Variants in MLLT10 observed in about 807,000 individuals in gnomAD.
MLLT10 encodes the protein protein AF-10.
Under a neutral mutation model 129.1 loss-of-function variants are expected in MLLT10, and 30 were observed. The ratio of observed to expected loss-of-function variants is 0.23; its 90% CI spans 0.17 to 0.32. The LOEUF (loss-of-function observed/expected upper bound fraction) is 0.32. Among genes scored for constraint, MLLT10 ranks in the 10% least tolerant of loss-of-function variants. The pLI is 1.00. For missense variants in MLLT10, 1,119 were observed against 1,268.3 expected (o/e 0.88, Z 1.79); for synonymous variants, 490 against 446.4 (o/e 1.10, Z -1.23).
intron 2 of MLLT10, 119 bp from the exon 3 acceptor site, chr10:21,538,714 C>A: frequency 1.5e-6 from 1 of 659,692 alleles, no homozygotes; most frequent in South Asian, 2.0e-5. Flanking sequence ...TTTTACTTCT[C>A]TGTAAAGAGG....
chr10:21,535,306 C>G (rs546206922), intron 2 of MLLT10, among the ~76,000 whole-genome samples: 1 of 152,078 alleles, frequency 6.6e-6, no homozygotes, highest in African/African-American at 2.4e-5. Flanking sequence ...TGTGGGGAGG[C>G]TGGGGGTCGC....
chr10:21,560,942 A>G (rs2038724133), intron 3 of MLLT10, among the ~76,000 whole-genome samples: 1 of 152,126 alleles, frequency 6.6e-6, no homozygotes, highest in African/African-American at 2.4e-5. Context: ...TTGAAATGTC[A>G]GTATTCTTTA....
At chr10:21,724,923 G>T (rs976950362) in intron 14 of MLLT10, among the ~76,000 whole-genome samples, 1 of 152,172 alleles carries the variant, frequency 6.6e-6, no homozygotes, top group African/African-American at 2.4e-5. Flanking sequence ...AACTTTGGAC[G>T]AGCTCTTCAG....
chr10:21,550,987 T>C (rs1406164172), intron 3 of MLLT10, among the ~76,000 whole-genome samples: 2 of 151,610 alleles, frequency 1.3e-5, no homozygotes, highest in East Asian at 3.8e-4. Context: ...GGTACGATCT[T>C]AGCTCACTGC....
intron 3 of MLLT10, among the ~76,000 whole-genome samples, chr10:21,539,776 A>T (rs904218628): frequency 1.3e-5 from 2 of 152,078 alleles, no homozygotes; most frequent in Non-Finnish European, 1.5e-5. Context: ...TCTCAAAAAA[A>T]AGAAAAACAA....
rs201326052 is a variant in MLLT10 at position 21,673,498 on chromosome 10, T to C, written c.1200T>C (p.His400=). The C allele has an allele frequency of 1.7e-4, 277 of 1,613,850 alleles. 1 individual carries two copies. Among genetic ancestry groups the C allele is most frequent in the Non-Finnish European group, 2.1e-4 (253 of 1,179,982 alleles). ...AGTCATCAGCAACCAAAGATGTACA[T>C]AAAGGAGAGTCTGGAAGCCAGGAAG... ...SQQSSATKDV[H]KGESGSQEGG... is the part of the protein sequence containing the mutation. Residue 400 remains histidine, a synonymous_variant, in exon 11 of 23, where the codon CAT becomes CAC. Coordinates refer to ENST00000307729, the MANE Select transcript of MLLT10 (RefSeq NM_001195626.3).
intron 13 of MLLT10, among the ~76,000 whole-genome samples, chr10:21,698,782 G>A (rs1201018745): frequency 6.6e-6 from 1 of 152,100 alleles, no homozygotes; most frequent in South Asian, 2.1e-4. Context: ...GGAGTAATAG[G>A]ATATCTCATT....
intron 21 of MLLT10, among the ~76,000 whole-genome samples, chr10:21,736,546 G>A (rs1301526159): frequency 6.6e-6 from 1 of 152,206 alleles, no homozygotes; most frequent in Non-Finnish European, 1.5e-5. Context: ...CTTCCAAAGT[G>A]CTGGAATTAC....
At chr10:21,689,943 A>T (rs1225021973) in intron 13 of MLLT10, among the ~76,000 whole-genome samples, 2 of 151,930 alleles carry the variant, frequency 1.3e-5, no homozygotes, top group Admixed American at 1.3e-4. Context: ...TGAGATGTGT[A>T]TTACCCAAGA....
chr10:21,541,418 C>G (rs12268489), intron 3 of MLLT10: 76,159 of 151,678 alleles, frequency 0.5, 19,381 homozygotes, highest in Middle Eastern at 0.59. Flanking sequence ...GACAGTCTCG[C>G]TCTGTCGCCC....
chr10:21,566,076 C>T (rs1385107876), intron 3 of MLLT10, among the ~76,000 whole-genome samples: 2 of 150,990 alleles, frequency 1.3e-5, no homozygotes, highest in Non-Finnish European at 2.9e-5. Flanking sequence ...ACTCAGCCTC[C>T]AGAGTAGCTA....
At chr10:21,581,548 C>A (rs1202169265) in intron 3 of MLLT10, among the ~76,000 whole-genome samples, 1 of 152,026 alleles carries the variant, frequency 6.6e-6, no homozygotes, top group Non-Finnish European at 1.5e-5. Context: ...GCTGTGTATC[C>A]CCACTGAAAT....
At position 21,534,323 on chromosome 10, in the gene MLLT10, T is replaced by C; in HGVS notation, c.-198T>C. On this transcript the variant is annotated 5_prime_UTR_variant, in exon 1 of 23. Coordinates refer to ENST00000307729, the MANE Select transcript of MLLT10 (RefSeq NM_001195626.3). ...CAGCGGGAGCCCCCCCTCCCCCCAGTGCGCCTGTGCGGAGGCCCTCTTGAT... is the reference window on the plus strand; with the variant it reads ...CAGCGGGAGCCCCCCCTCCCCCCAGCGCGCCTGTGCGGAGGCCCTCTTGAT... 1 of 275,634 alleles carries C rather than the reference T, an allele frequency of 3.6e-6. No homozygotes were observed. The highest frequency in any genetic ancestry group is 3.7e-5 in the East Asian group (1 of 27,060). The allele number at this position is 275,634 out of a possible 1,614,324, so 17.1% of individuals were successfully genotyped here.
chr10:21,580,278 T>G (rs542659285), intron 3 of MLLT10, among the ~76,000 whole-genome samples: 23 of 152,090 alleles, frequency 1.5e-4, no homozygotes, highest in African/African-American at 5.6e-4. Flanking sequence ...TTTAGTGACA[T>G]TTTTCCGTAA....
intron 8 of MLLT10, among the ~76,000 whole-genome samples, chr10:21,641,168 C>T (rs564249896): frequency 2.6e-5 from 4 of 152,106 alleles, no homozygotes; most frequent in African/African-American, 4.8e-5. Flanking sequence ...ATGAGTTTGG[C>T]GAATAGGCTG....
chr10:21,621,109 G>T (rs192159748), intron 8 of MLLT10, among the ~76,000 whole-genome samples: 1 of 148,946 alleles, frequency 6.7e-6, no homozygotes, highest in Admixed American at 6.8e-5. Flanking sequence ...TCAGCCTTCC[G>T]AGTAGTTGGG....
chr10:21,614,862 GA>G lies in MLLT10; in HGVS notation c.543del (p.Gly182ValfsTer20). The G allele has an allele frequency of 6.2e-7, 1 of 1,612,878 alleles. No individual in the cohort carries two copies. The highest frequency in any genetic ancestry group is 1.1e-5 in the South Asian group (1 of 90,642). ...GTTTGCCGGACTGCTTTGTGAAGAA[GA>G]AGGTAATGGTGCCGATAATGTCCAA... ...AQFAGLLCEE[E>X]GNGADNVQYC... On this transcript the variant is annotated frameshift_variant, in exon 7 of 23. Transcript: ENST00000307729. LOFTEE classifies it high-confidence loss of function.
Position 21,740,136 on chromosome 10 carries a change from T to C in MLLT10, c.3062T>C (p.Ile1021Thr). The change falls in exon 22 of 23, where the codon ATA (isoleucine) becomes ACA (threonine). Residue 1021 changes from isoleucine to threonine, a missense_variant. Ile to Thr is a moderately conservative substitution (Grantham distance 89). Transcript: ENST00000307729. ...LQIPGPTQIPINNLLAGTQAP... is the reference protein window; with the variant it reads ...LQIPGPTQIPTNNLLAGTQAP... The stretch of plus-strand genomic sequence containing the variant: ...ATCCCTGGACCAACACAAATACCCA[T>C]AAACAACCTTCTTGCAGGTACACAG... The C allele has an allele frequency of 1.2e-6, 2 of 1,614,102 alleles. No individual in the cohort carries two copies. The highest frequency in any genetic ancestry group is 1.7e-6 in the Non-Finnish European group (2 of 1,180,028).
At chr10:21,625,282 A>C (rs1484693208) in intron 8 of MLLT10, 2 of 938,608 alleles carry the variant, frequency 2.1e-6, no homozygotes, top group East Asian at 2.4e-5. Context: ...TTTCTTTGCC[A>C]TTCATTTCAT....
Sources: gnomAD v4.1 joint callset for allele counts (sites outside exome capture counted in the v4.1 genomes callset) on GRCh38, gnomAD v4.1.1 for gene constraint, MANE v1.5 for transcripts, NCBI Gene and HGNC (gene_info 2026-07-23, HGNC 2026-07-21) for gene names.